POC1A: variants seen among roughly 807,000 people sequenced by gnomAD.
The protein encoded by POC1A is POC1 centriolar protein A.
A neutral mutation model predicts 47.8 loss-of-function variants in POC1A; 34 were observed. The observed-to-expected ratio is 0.71, with a 90% CI of 0.54 to 0.95. The LOEUF (loss-of-function observed/expected upper bound fraction) is 0.95. Among genes scored for constraint, POC1A ranks in the 40% least tolerant of loss-of-function variants. The probability of loss-of-function intolerance (pLI) is 0.00; values close to 1 mark genes in which losing one functional copy is unlikely to be tolerated. For missense variants in POC1A, 466 were observed against 528.3 expected, an observed-to-expected ratio of 0.88 and a Z score of 1.16; for synonymous variants, 177 against 207.6, an observed-to-expected ratio of 0.85 and a Z score of 1.27.
At position 52,149,449 on chromosome 3, in the gene POC1A, G is replaced by A. The variant is rs139359561; in HGVS notation, c.276-60C>T. ...ATAACAGTGACATGAGAGCCCACAA[G>A]CACATCAAAGCTCTCCTACTCCTCA... On this transcript the variant is annotated intron_variant, in intron 3 of 10. Coordinates refer to ENST00000296484, the MANE Select transcript of POC1A (RefSeq NM_015426.5). The A allele has an allele frequency of 1.1e-5, 16 of 1,487,484 alleles. No individual in the cohort carries two copies. In the African/African-American group the frequency reaches 2.2e-4, roughly 20 times the overall value. 92.1% of individuals were successfully genotyped at this position (1,487,484 alleles called of 1,614,324 possible). A position where few individuals can be genotyped will look rare whatever the true frequency, so the allele number is the denominator to read the frequency against.
chr3:52,126,576 A>C (rs1704011414), intron 7 of POC1A, among the ~76,000 whole-genome samples: 1 of 152,270 alleles, frequency 6.6e-6, no homozygotes, highest in African/African-American at 2.4e-5. Flanking sequence ...CTGTGCGGTG[A>C]CCCTTTGCCT....
rs1200907516 is a variant in POC1A at position 52,139,084 on chromosome 3, G to A, written c.680-782C>T. 2.0e-5 allele frequency among the ~76,000 whole-genome samples: 3 copies of A among 152,058 alleles called. No homozygotes were observed. In the South Asian group the frequency reaches 6.2e-4, roughly 32 times the overall value. ...TGACCTCAGATGATCCACCTGCCTC[G>A]GCCTCTCAAGGTGCTGAGATTACAG... On this transcript the variant is annotated intron_variant, in intron 6 of 10. Coordinates refer to ENST00000296484, the MANE Select transcript of POC1A (RefSeq NM_015426.5).
chr3:52,130,174 GCA>G (rs1238623732), intron 7 of POC1A, among the ~76,000 whole-genome samples: 1 of 152,186 alleles, frequency 6.6e-6, no homozygotes, highest in East Asian at 1.9e-4. Context: ...ACTCTCATAT[GCA>G]CAGTCTTCCA....
intron 10 of POC1A, among the ~76,000 whole-genome samples, chr3:52,089,675 T>C (rs1702581863): frequency 6.6e-6 from 1 of 152,200 alleles, no homozygotes; most frequent in Non-Finnish European, 1.5e-5. Flanking sequence ...CCTGGGATCA[T>C]GGGAAGACGC....
At chr3:52,150,405 A>G (rs1177556966) in intron 2 of POC1A, among the ~76,000 whole-genome samples, 1 of 152,124 alleles carries the variant, frequency 6.6e-6, no homozygotes. Context: ...GGTCCCCAAA[A>G]CTGATCAAAA....
At chr3:52,103,988 C>A (rs1012974051) in intron 9 of POC1A, among the ~76,000 whole-genome samples, 10 of 152,150 alleles carry the variant, frequency 6.6e-5, no homozygotes, top group African/African-American at 2.2e-4. Flanking sequence ...TCCACTCCTA[C>A]GTATTTACCC....
intron 9 of POC1A, among the ~76,000 whole-genome samples, chr3:52,098,298 T>C (rs969384165): frequency 6.6e-6 from 1 of 152,120 alleles, no homozygotes; most frequent in African/African-American, 2.4e-5. Flanking sequence ...CAGCCAGCAT[T>C]GTCATGGAAT....
intron 4 of POC1A, among the ~76,000 whole-genome samples, chr3:52,148,416 A>G (rs1231459151): frequency 6.6e-6 from 1 of 152,238 alleles, no homozygotes; most frequent in Non-Finnish European, 1.5e-5. Context: ...CTTCTGACTC[A>G]TGTGGTTTCC....
chr3:52,125,962 A>C (rs1703983278), intron 7 of POC1A, among the ~76,000 whole-genome samples: 2 of 152,158 alleles, frequency 1.3e-5, no homozygotes, highest in Admixed American at 1.3e-4. Flanking sequence ...CACATACCTA[A>C]AATCCATCCC....
intron 8 of POC1A, 126 bp downstream of exon 8, chr3:52,124,987 A>T: frequency 2.8e-6 from 2 of 713,556 alleles, no homozygotes; most frequent in Non-Finnish European, 4.8e-6. Context: ...GGGCCTTTTT[A>T]GTCGCTGAAA....
intron 9 of POC1A, among the ~76,000 whole-genome samples, chr3:52,116,949 A>G (rs1703585819): frequency 6.6e-6 from 1 of 152,134 alleles, no homozygotes; most frequent in South Asian, 2.1e-4. Flanking sequence ...GCCCTTTGGG[A>G]GGCCAACGCA....
At chr3:52,076,432 C>G (rs902276162) in intron 10 of POC1A, among the ~76,000 whole-genome samples, 1 of 152,170 alleles carries the variant, frequency 6.6e-6, no homozygotes, top group Non-Finnish European at 1.5e-5. Flanking sequence ...AAAATTGCAC[C>G]CACAAATGAT....
At chr3:52,135,125 CCT>C (rs1704395855) in intron 7 of POC1A, among the ~76,000 whole-genome samples, 1 of 152,232 alleles carries the variant, frequency 6.6e-6, no homozygotes, top group Non-Finnish European at 1.5e-5. Context: ...TCAGCAGGCC[CCT>C]GTGATGTGGC....
At chr3:52,148,311 C>T (rs1462715651) in intron 4 of POC1A, among the ~76,000 whole-genome samples, 1 of 152,210 alleles carries the variant, frequency 6.6e-6, no homozygotes, top group Non-Finnish European at 1.5e-5. Flanking sequence ...CCTCTAAGAG[C>T]CATCAGGGGT....
intron 9 of POC1A, among the ~76,000 whole-genome samples, chr3:52,104,593 A>G (rs1703109931): frequency 6.6e-6 from 1 of 152,256 alleles, no homozygotes; most frequent in South Asian, 2.1e-4. Context: ...TCTGCCCTCA[A>G]GGTGAAAATC....
intron 6 of POC1A, among the ~76,000 whole-genome samples, chr3:52,141,990 G>A (rs1016048216): frequency 1.3e-5 from 2 of 152,214 alleles, no homozygotes; most frequent in African/African-American, 4.8e-5. Context: ...CAGGGAGCCT[G>A]AAGAGTAAAT....
chr3:52,130,848 C>A (rs1042621163), intron 7 of POC1A, among the ~76,000 whole-genome samples: 4 of 152,118 alleles, frequency 2.6e-5, no homozygotes, highest in Non-Finnish European at 4.4e-5. Flanking sequence ...GCTGCTATCC[C>A]AACCTCAACC....
chr3:52,101,168 T>G (rs891262753), intron 9 of POC1A, among the ~76,000 whole-genome samples: 1 of 144,292 alleles, frequency 6.9e-6, no homozygotes, highest in Non-Finnish European at 1.5e-5. Flanking sequence ...GCCAAGAACA[T>G]GGAAAAAAGC....
At chr3:52,107,104 A>G (rs985354846) in intron 9 of POC1A, among the ~76,000 whole-genome samples, 6 of 152,260 alleles carry the variant, frequency 3.9e-5, no homozygotes, top group Admixed American at 3.9e-4. Flanking sequence ...AAGTAACTTC[A>G]AACCAGTAGA....
Sources: allele counts gnomAD v4.1 joint callset (sites outside exome capture counted in the v4.1 genomes callset), GRCh38; gene constraint gnomAD v4.1.1; transcripts MANE v1.5; gene names NCBI Gene and HGNC (gene_info 2026-07-23, HGNC 2026-07-21).